Variants in GAB4 observed in about 807,000 individuals in gnomAD.
The protein encoded by GAB4 is GRB2 associated binding protein family member 4.
GAB4 carries 26 observed loss-of-function variants against 51.3 expected under a neutral mutation model. That is an observed-to-expected ratio of 0.51 (90% CI 0.37 to 0.70). The LOEUF is 0.70. Among genes scored for constraint, GAB4 ranks in the 30% least tolerant of loss-of-function variants. The pLI is 0.00. For missense variants in GAB4, 759 were observed against 734.6 expected (o/e 1.03, Z -0.38); for synonymous variants, 329 against 291.2 (o/e 1.13, Z -1.32).
chr22:16,991,793 G>A (rs2060916048), intron 2 of GAB4, 80 bp downstream of exon 2: 1 of 1,241,284 alleles, frequency 8.1e-7, no homozygotes. Flanking sequence ...AGTGTTGGCA[G>A]CTAGAGCTGC....
At chr22:16,987,186 A>G (rs1330470957) in intron 3 of GAB4, among the ~76,000 whole-genome samples, 2 of 152,224 alleles carry the variant, frequency 1.3e-5, no homozygotes, top group Non-Finnish European at 2.9e-5. Flanking sequence ...GTATTTCTAA[A>G]CTAACAAACC....
chr22:17,004,782 G>A (rs1169519959), intron 1 of GAB4, among the ~76,000 whole-genome samples: 1 of 151,926 alleles, frequency 6.6e-6, no homozygotes, highest in Non-Finnish European at 1.5e-5. Context: ...TGCAGAACAG[G>A]CCTTCGATAA....
At chr22:16,964,658 A>G in intron 8 of GAB4, 108 bp downstream of exon 8, 1 of 704,702 alleles carries the variant, frequency 1.4e-6, no homozygotes, top group Non-Finnish European at 2.5e-6. Context: ...ATCACACCTG[A>G]CTGGGCTGGG....
In GAB4 at chr22:16,962,850, G is replaced by A; in HGVS notation, c.1608C>T (p.Gly536=). Reference sequence around the variant, plus strand: ...CCACCTGGACATAGTCCACCTTCTTGCCGGACGTGACAGAGCCTATGGATG... The same window carrying A: ...CCACCTGGACATAGTCCACCTTCTTACCGGACGTGACAGAGCCTATGGATG... ...SKPSIGSVTS[G]KKVDYVQVDL... The change falls in exon 10 of 10, where the codon GGC becomes GGT. Residue 536 remains glycine, a synonymous_variant. Transcript: ENST00000400588. The A allele has an allele frequency of 6.2e-7, 1 of 1,613,312 alleles. No individual in the cohort carries two copies. The highest frequency in any genetic ancestry group is 8.5e-7 in the Non-Finnish European group (1 of 1,179,632).
chr22:16,988,751 C>T (rs1480254855), intron 2 of GAB4, among the ~76,000 whole-genome samples: 3 of 152,206 alleles, frequency 2.0e-5, no homozygotes, highest in East Asian at 3.8e-4. Context: ...CACTACTCAG[C>T]AGAACCTACG....
chr22:17,001,372 G>A (rs5994126), intron 1 of GAB4, among the ~76,000 whole-genome samples: 2,970 of 151,856 alleles, frequency 0.02, 117 homozygotes, highest in African/African-American at 0.067. Context: ...TTCTCTTCTC[G>A]CTTCATTTCA....
At chr22:17,000,081 T>C (rs2060984894) in intron 1 of GAB4, among the ~76,000 whole-genome samples, 1 of 152,224 alleles carries the variant, frequency 6.6e-6, no homozygotes, top group African/African-American at 2.4e-5. Context: ...AATTTTGGAA[T>C]AAGTGTGATG....
At chr22:16,976,047 G>A (rs2060775111) in intron 3 of GAB4, among the ~76,000 whole-genome samples, 1 of 152,110 alleles carries the variant, frequency 6.6e-6, no homozygotes, top group South Asian at 2.1e-4. Flanking sequence ...AAAGATCAAA[G>A]GTAGACAAAT....
chr22:16,965,149 A>G (rs1258961097), intron 7 of GAB4, 29 bp downstream of exon 7: 7 of 1,565,396 alleles, frequency 4.5e-6, no homozygotes, highest in Non-Finnish European at 6.1e-6. Context: ...CCCGGTCCCA[A>G]GCTCCTGTTT....
At chr22:16,985,316 T>C (rs2060858586) in intron 3 of GAB4, among the ~76,000 whole-genome samples, 1 of 152,350 alleles carries the variant, frequency 6.6e-6, no homozygotes, top group African/African-American at 2.4e-5. Flanking sequence ...TGTACTGAGT[T>C]CTCTAAACTG....
At chr22:16,992,625 C>T (rs1376120314) in intron 1 of GAB4, among the ~76,000 whole-genome samples, 1 of 152,142 alleles carries the variant, frequency 6.6e-6, no homozygotes, top group Non-Finnish European at 1.5e-5. Flanking sequence ...ACATGTTTCC[C>T]AACTTTTAGT....
chr22:16,974,717 T>A (rs982872392), intron 3 of GAB4, among the ~76,000 whole-genome samples: 2 of 152,364 alleles, frequency 1.3e-5, no homozygotes, highest in South Asian at 4.1e-4. Flanking sequence ...GATGGGTGGC[T>A]GGCAAGATGG....
chr22:16,989,301 T>C (rs939304328), intron 2 of GAB4, among the ~76,000 whole-genome samples: 2 of 152,336 alleles, frequency 1.3e-5, no homozygotes, highest in African/African-American at 4.8e-5. Context: ...GGTGGCTTTC[T>C]AAGGGTTCTT....
chr22:16,990,596 G>A (rs1005964597), intron 2 of GAB4, among the ~76,000 whole-genome samples: 27 of 152,250 alleles, frequency 1.8e-4, no homozygotes, highest in Non-Finnish European at 3.5e-4. Context: ...CTGTGAGGAT[G>A]AAAGAGTGAC....
chr22:17,007,939 A>G lies in GAB4; in HGVS notation c.174+2T>C. On this transcript the variant is annotated splice_donor_variant, in intron 1 of 9. Transcript: ENST00000400588. LOFTEE classifies it high-confidence loss of function. ...TGGTACCGCCCCCACTGCCCCACTC[A>G]CAAAGAGCCTCAGCTTCTTCTCGGG... The G allele has an allele frequency of 6.3e-7, 1 of 1,586,726 alleles. No individual in the cohort carries two copies. The highest frequency in any genetic ancestry group is 1.4e-5 in the African/African-American group (1 of 72,368).
chr22:16,967,492 A>T (rs1363974943), intron 5 of GAB4: 2 of 152,372 alleles, frequency 1.3e-5, no homozygotes, highest in African/African-American at 2.4e-5. Flanking sequence ...CTGGAAGGTG[A>T]CGTATGGGGT....
intron 5 of GAB4, among the ~76,000 whole-genome samples, chr22:16,967,672 C>G (rs1282786846): frequency 6.6e-6 from 1 of 152,214 alleles, no homozygotes; most frequent in African/African-American, 2.4e-5. Context: ...CTAGGTACAG[C>G]CTTCCTCCAG....
At chr22:17,003,472 T>G (rs2061014883) in intron 1 of GAB4, among the ~76,000 whole-genome samples, 1 of 150,878 alleles carries the variant, frequency 6.6e-6, no homozygotes, top group African/African-American at 2.4e-5. Context: ...AATGGAAATC[T>G]TAACAGTTTC....
intron 1 of GAB4, among the ~76,000 whole-genome samples, chr22:16,997,992 T>G (rs1349743557): frequency 6.6e-6 from 1 of 152,218 alleles, no homozygotes; most frequent in African/African-American, 2.4e-5. Flanking sequence ...TCTGTTCTGT[T>G]CCATTGGTCT....
Sources: gnomAD v4.1 joint callset for allele counts (sites outside exome capture counted in the v4.1 genomes callset) on GRCh38, gnomAD v4.1.1 for gene constraint, MANE v1.5 for transcripts, NCBI Gene and HGNC (gene_info 2026-07-23, HGNC 2026-07-21) for gene names.